COMMD1: variants seen among roughly 807,000 people sequenced by gnomAD.
COMMD1 encodes COMM domain-containing protein 1.
A neutral mutation model predicts 17.2 loss-of-function variants in COMMD1; 10 were observed. The ratio of observed to expected loss-of-function variants is 0.58; its 90% confidence interval spans 0.36 to 0.99. The LOEUF is 0.99. Ranked by LOEUF, COMMD1 falls within the 50% of genes least tolerant of loss-of-function variation. COMMD1 has a pLI of 0.01. For synonymous variants in COMMD1, 97 were observed against 91.6 expected (o/e 1.06, Z -0.34); for missense variants, 270 against 231.8 (o/e 1.17, Z -1.07).
chr2:62,032,703 G>T (rs775617320), intron 2 of COMMD1, among the ~76,000 whole-genome samples: 21 of 152,056 alleles, frequency 1.4e-4, no homozygotes, highest in South Asian at 4.1e-4. Context: ...CTCTTTTTCT[G>T]TTGGTTTAGC....
At chr2:62,114,587 C>G (rs534513720) in intron 2 of COMMD1, among the ~76,000 whole-genome samples, 1 of 152,302 alleles carries the variant, frequency 6.6e-6, no homozygotes, top group South Asian at 2.1e-4. Context: ...AAAGAGAGTT[C>G]GCACCTGAGC....
At chr2:62,080,343 A>G (rs1224682335) in intron 2 of COMMD1, among the ~76,000 whole-genome samples, 1 of 152,238 alleles carries the variant, frequency 6.6e-6, no homozygotes, top group Non-Finnish European at 1.5e-5. Context: ...TGCCTTATTC[A>G]CTGCCCTGTT....
intron 2 of COMMD1, among the ~76,000 whole-genome samples, chr2:62,062,926 AT>A (rs1670907201): frequency 6.6e-6 from 1 of 151,844 alleles, no homozygotes; most frequent in African/African-American, 2.4e-5. Context: ...AACTTTAAAT[AT>A]TAGTAGGCTG....
At chr2:62,087,650 G>A (rs996793970) in intron 2 of COMMD1, among the ~76,000 whole-genome samples, 4 of 152,188 alleles carry the variant, frequency 2.6e-5, no homozygotes, top group East Asian at 3.8e-4. Context: ...GGGAGGCTGA[G>A]TCAAAAGAAT....
intron 2 of COMMD1, among the ~76,000 whole-genome samples, chr2:62,044,775 AC>A (rs1670333972): frequency 6.6e-6 from 1 of 152,014 alleles, no homozygotes; most frequent in South Asian, 2.1e-4. Context: ...TACCAAAGAA[AC>A]AGGTGAGAAT....
intron 2 of COMMD1, among the ~76,000 whole-genome samples, chr2:62,002,389 G>T (rs1290189458): frequency 3.4e-5 from 5 of 146,458 alleles, no homozygotes; most frequent in African/African-American, 1.3e-4. Context: ...TACTTGGGAG[G>T]CTGAGGCAGG....
intron 2 of COMMD1, among the ~76,000 whole-genome samples, chr2:62,023,856 A>G (rs2103860914): frequency 6.6e-6 from 1 of 152,344 alleles, no homozygotes; most frequent in Admixed American, 6.5e-5. Context: ...ATGGGAGGAA[A>G]GGGAAGAACA....
intron 1 of COMMD1, among the ~76,000 whole-genome samples, chr2:61,974,608 G>A (rs1224953375): frequency 6.7e-6 from 1 of 149,156 alleles, no homozygotes; most frequent in Non-Finnish European, 1.5e-5. Context: ...GGAGGCAGAG[G>A]TTGCAGCAAG....
intron 2 of COMMD1, among the ~76,000 whole-genome samples, chr2:62,066,810 C>T (rs1671061661): frequency 6.6e-6 from 1 of 151,936 alleles, no homozygotes; most frequent in African/African-American, 2.4e-5. Context: ...ACTGCAACCT[C>T]CACCTCCTGG....
chr2:62,004,753 T>C (rs370915374), intron 2 of COMMD1, among the ~76,000 whole-genome samples: 12 of 152,346 alleles, frequency 7.9e-5, no homozygotes, highest in African/African-American at 2.6e-4. Flanking sequence ...TTAGTACTTA[T>C]GCCAGCTTCT....
chr2:61,985,992 A>G (rs1181442070), intron 1 of COMMD1, among the ~76,000 whole-genome samples: 3 of 152,038 alleles, frequency 2.0e-5, no homozygotes, highest in Non-Finnish European at 4.4e-5. Flanking sequence ...ATGATTTCTT[A>G]TTGCTCATTA....
chr2:62,030,416 G>A (rs564419042), intron 2 of COMMD1, among the ~76,000 whole-genome samples: 17 of 152,172 alleles, frequency 1.1e-4, no homozygotes, highest in Non-Finnish European at 2.4e-4. Context: ...GAAGCCTACA[G>A]TTTGGGGATT....
chr2:62,022,565 G>C (rs1316621410), intron 2 of COMMD1, among the ~76,000 whole-genome samples: 1 of 149,710 alleles, frequency 6.7e-6, no homozygotes, highest in Non-Finnish European at 1.5e-5. Flanking sequence ...GTTGTCTTTG[G>C]AATGTGTTTT....
chr2:61,977,345 A>G (rs1573023558), intron 1 of COMMD1, among the ~76,000 whole-genome samples: 1 of 149,084 alleles, frequency 6.7e-6, no homozygotes, highest in Non-Finnish European at 1.5e-5. Flanking sequence ...CCTGGGTTCA[A>G]GCAATTCTCC....
chr2:62,113,338 C>T (rs561743956), intron 2 of COMMD1, among the ~76,000 whole-genome samples: 60 of 152,134 alleles, frequency 3.9e-4, no homozygotes, highest in African/African-American at 1.4e-3. Flanking sequence ...GGCAGCAGAG[C>T]AAGACACCGT....
At chr2:62,025,095 CTG>C (rs1351481513) in intron 2 of COMMD1, among the ~76,000 whole-genome samples, 2 of 152,100 alleles carry the variant, frequency 1.3e-5, no homozygotes, top group Non-Finnish European at 2.9e-5. Flanking sequence ...TGGTGCACAC[CTG>C]TAATGCCAGC....
At chr2:62,065,760 A>G (rs563405995) in intron 2 of COMMD1, among the ~76,000 whole-genome samples, 1 of 152,342 alleles carries the variant, frequency 6.6e-6, no homozygotes, top group African/African-American at 2.4e-5. Context: ...AAAAGTCTTC[A>G]GGGTGAAACT....
intron 2 of COMMD1, among the ~76,000 whole-genome samples, chr2:62,018,097 A>C (rs564924036): frequency 4.5e-4 from 69 of 152,206 alleles, no homozygotes; most frequent in African/African-American, 1.6e-3. Flanking sequence ...CATGGGTAGC[A>C]GGCCCATACG....
At chr2:61,894,067 AT>A (rs1343438173) in intron 1 of COMMD1, among the ~76,000 whole-genome samples, 1 of 152,128 alleles carries the variant, frequency 6.6e-6, no homozygotes. Flanking sequence ...GCAAAACCCC[AT>A]CATTGTTTTT....
Sources: gnomAD v4.1 joint callset for allele counts (sites outside exome capture counted in the v4.1 genomes callset) on GRCh38, gnomAD v4.1.1 for gene constraint, MANE v1.5 for transcripts, NCBI Gene and HGNC (gene_info 2026-07-23, HGNC 2026-07-21) for gene names.